AACS: variants seen among roughly 807,000 people sequenced by gnomAD.
The protein encoded by AACS is acetoacetate-CoA ligase.
A neutral mutation model predicts 83.1 loss-of-function variants in AACS; 69 were observed. That is an observed-to-expected ratio of 0.83 (90% CI 0.68 to 1.01). The LOEUF (loss-of-function observed/expected upper bound fraction) is 1.01. Ranked by LOEUF, AACS falls within the 50% of genes least tolerant of loss-of-function variation. AACS has a pLI of 0.00. For missense variants in AACS, 866 were observed against 882.2 expected (o/e 0.98, Z 0.23); for synonymous variants, 333 against 343.4 (o/e 0.97, Z 0.33).
At chr12:125,133,347 T>A (rs1957354168) in intron 14 of AACS, among the ~76,000 whole-genome samples, 1 of 152,210 alleles carries the variant, frequency 6.6e-6, no homozygotes, top group South Asian at 2.1e-4. Flanking sequence ...AGCTTCATGG[T>A]GCCACCCCAG....
chr12:125,136,518 C>G, intron 16 of AACS, 144 bp from the exon 17 acceptor site: 1 of 637,360 alleles, frequency 1.6e-6, no homozygotes, highest in Non-Finnish European at 2.7e-6. Flanking sequence ...AGGCCCTTCT[C>G]CTGGGTGGAC....
chr12:125,101,435 G>A (rs1000386247), intron 5 of AACS: 1 of 152,224 alleles, frequency 6.6e-6, no homozygotes, highest in South Asian at 2.1e-4. Flanking sequence ...GTGTATGCAC[G>A]TGTAGGCTTA....
chr12:125,095,803 G>T (rs948460013), intron 5 of AACS, among the ~76,000 whole-genome samples: 1 of 152,172 alleles, frequency 6.6e-6, no homozygotes, highest in African/African-American at 2.4e-5. Flanking sequence ...TCCATGTACG[G>T]TATTAGTGTT....
At chr12:125,080,171 C>T (rs144150938) in intron 3 of AACS, among the ~76,000 whole-genome samples, 59 of 152,274 alleles carry the variant, frequency 3.9e-4, no homozygotes, top group Admixed American at 1.4e-3. Context: ...CCAACCCAGT[C>T]GCCTCTTTCG....
At chr12:125,103,457 G>A (rs962828260) in intron 7 of AACS, among the ~76,000 whole-genome samples, 1 of 151,906 alleles carries the variant, frequency 6.6e-6, no homozygotes, top group East Asian at 2.0e-4. Flanking sequence ...ACACGACAAG[G>A]CACACATATC....
At chr12:125,103,424 G>A (rs1166616449) in intron 7 of AACS, among the ~76,000 whole-genome samples, 1 of 150,504 alleles carries the variant, frequency 6.6e-6, no homozygotes, top group African/African-American at 2.5e-5. Context: ...TGTGCACATG[G>A]TGCATGCACT....
At chr12:125,111,642 C>T (rs759491892) in intron 8 of AACS, among the ~76,000 whole-genome samples, 1 of 152,102 alleles carries the variant, frequency 6.6e-6, no homozygotes, top group African/African-American at 2.4e-5. Context: ...TAGGGCTGCT[C>T]GTAATCTTCC....
At position 125,132,145 on chromosome 12, in the gene AACS, G is replaced by A. The variant is rs565443575; in HGVS notation, c.1550-1858G>A. Among the ~76,000 whole-genome samples the A allele has an allele frequency of 1.2e-4, 19 of 152,300 alleles. No individual in the cohort carries two copies. In the South Asian group the frequency reaches 1.4e-3, roughly 12 times the overall value. ...AGGAAGACATCGTTTCTGCGGCTTC[G>A]TTTTGCCATCAGGCCACTTCCTCTG... On this transcript the variant is annotated intron_variant, in intron 14 of 17. Transcript: ENST00000316519.
At chr12:125,114,310 C>T (rs186623563) in intron 8 of AACS, 167 bp from the exon 9 acceptor site, 11 of 552,188 alleles carry the variant, frequency 2.0e-5, no homozygotes, top group African/African-American at 1.7e-4. Context: ...TGGCTCATCA[C>T]AGGGGAGTGG....
At chr12:125,109,482 CAT>C (rs1340834299) in intron 8 of AACS, among the ~76,000 whole-genome samples, 10 of 152,210 alleles carry the variant, frequency 6.6e-5, no homozygotes, top group Admixed American at 4.6e-4. Context: ...CGTATATACA[CAT>C]GTTGTTATTT....
intron 12 of AACS, chr12:125,126,738 C>T (rs79916684): frequency 0.062 from 9,352 of 152,046 alleles, 350 homozygotes; most frequent in African/African-American, 0.099. Context: ...CATGCCACCA[C>T]GCTCAGTTAT....
chr12:125,142,558 GGTCTT>G lies in AACS; in HGVS notation c.*335_*339del. On this transcript the variant is annotated 3_prime_UTR_variant, in exon 18 of 18. Coordinates refer to ENST00000316519, the MANE Select transcript of AACS (RefSeq NM_023928.5). ...GAAGACAGACACACTCCTGAGCCAA[GGTCTT>G]GTCTTCAACCTCCCCGTCCCGTTGT... The G allele has an allele frequency of 4.1e-6, 1 of 241,670 alleles. No homozygotes were observed. The highest frequency in any genetic ancestry group is 8.0e-6 in the Non-Finnish European group (1 of 124,716). The allele number at this position is 241,670 out of a possible 1,614,324, so 15.0% of individuals were successfully genotyped here.
At chr12:125,082,032 T>C (rs1489441417) in intron 3 of AACS, among the ~76,000 whole-genome samples, 1 of 151,890 alleles carries the variant, frequency 6.6e-6, no homozygotes, top group Non-Finnish European at 1.5e-5. Flanking sequence ...CGTGCCAGCA[T>C]GCCCAGCTAA....
rs1957318380 is a variant in AACS at position 125,130,712 on chromosome 12, A to G, written c.1549+1252A>G. Among the ~76,000 whole-genome samples, 1 of 152,006 alleles carries G rather than the reference A, an allele frequency of 6.6e-6. No homozygotes were observed. The highest frequency in any genetic ancestry group is 6.6e-5 in the Admixed American group (1 of 15,242). The stretch of plus-strand genomic sequence containing the variant: ...GTACTTTGTGACGTGTTATATTTCC[A>G]TTTTTGCCTTGGCTGCCAGGAAACT... On this transcript the variant is annotated intron_variant, in intron 14 of 17. Transcript: ENST00000316519. This position sits in a 1 kb window ranked among gnomAD's most constrained non-coding sequence, Gnocchi z 4.9.
chr12:125,089,845 T>G (rs1956423481), intron 4 of AACS, among the ~76,000 whole-genome samples: 1 of 129,458 alleles, frequency 7.7e-6, no homozygotes, highest in Non-Finnish European at 1.7e-5. Flanking sequence ...TCACCATCAT[T>G]TATCCATCCA....
intron 1 of AACS, among the ~76,000 whole-genome samples, chr12:125,066,013 G>A (rs1428274039): frequency 6.6e-6 from 1 of 152,234 alleles, no homozygotes; most frequent in Non-Finnish European, 1.5e-5. Context: ...CCCCTTGCTA[G>A]GCTTTCCTAC....
chr12:125,124,885 G>T lies in AACS; in HGVS notation c.1187-17G>T. 6.2e-7 allele frequency: 1 copy of T among 1,614,104 alleles called. No individual in the cohort carries two copies. The highest frequency in any genetic ancestry group is 1.1e-5 in the South Asian group (1 of 91,088). ...CACTGGGTTTAGTTTTAATCTTTTG[G>T]TGACTCTGCACCCCAGTGGAAACCC... On this transcript the variant is annotated splice_polypyrimidine_tract_variant and intron_variant, in intron 11 of 17. Coordinates refer to ENST00000316519, the MANE Select transcript of AACS (RefSeq NM_023928.5).
intron 17 of AACS, among the ~76,000 whole-genome samples, chr12:125,138,031 A>G (rs1422683785): frequency 6.6e-6 from 1 of 152,234 alleles, no homozygotes; most frequent in Non-Finnish European, 1.5e-5. Context: ...TTATTTCAAC[A>G]TCTTCAAAAC....
intron 3 of AACS, among the ~76,000 whole-genome samples, chr12:125,082,605 A>C (rs1364022156): frequency 2.0e-5 from 3 of 152,002 alleles, no homozygotes; most frequent in Non-Finnish European, 4.4e-5. Flanking sequence ...GGTGGATCAC[A>C]AGGTCAGGAG....
Sources: gnomAD v4.1 joint callset for allele counts (sites outside exome capture counted in the v4.1 genomes callset) on GRCh38, gnomAD v4.1.1 for gene constraint, Gnocchi (gnomAD v3.1) non-coding constraint, MANE v1.5 for transcripts, NCBI Gene and HGNC (gene_info 2026-07-23, HGNC 2026-07-21) for gene names.